The following NTRK3 variants were observed in gnomAD, a reference collection of about 807,000 sequenced individuals.
NTRK3 encodes the protein NT-3 growth factor receptor.
A neutral mutation model predicts 91.7 loss-of-function variants in NTRK3; 24 were observed. The ratio of observed to expected loss-of-function variants is 0.26; its 90% CI spans 0.19 to 0.37. The LOEUF (loss-of-function observed/expected upper bound fraction) is 0.37. Among genes scored for constraint, NTRK3 ranks in the 10% least tolerant of loss-of-function variants. NTRK3 has a pLI of 1.00. For missense variants in NTRK3, 880 were observed against 1,068.9 expected, an observed-to-expected ratio of 0.82 and a Z score of 2.46; for synonymous variants, 483 against 404.0, an observed-to-expected ratio of 1.20 and a Z score of -2.34.
chr15:88,130,704 G>C (rs954845453), intron 10 of NTRK3, among the ~76,000 whole-genome samples: 3 of 152,152 alleles, frequency 2.0e-5, no homozygotes, highest in African/African-American at 7.2e-5. Context: ...AAAAAAACTA[G>C]TATTCTTGCA....
chr15:87,874,931 C>T (rs2064910224), exon 19 of NTRK3: 1 of 232,926 alleles, frequency 4.3e-6, no homozygotes, highest in African/African-American at 2.2e-5. Context: ...ACACCAAATT[C>T]CCATCTCACC....
At chr15:87,930,258 T>C (rs2068677404) in intron 16 of NTRK3, among the ~76,000 whole-genome samples, 1 of 152,184 alleles carries the variant, frequency 6.6e-6, no homozygotes, top group Admixed American at 6.5e-5. Flanking sequence ...GGATTTGTTA[T>C]TCTAACACCT....
intron 14 of NTRK3, among the ~76,000 whole-genome samples, chr15:87,982,924 T>A (rs1187943872): frequency 6.6e-6 from 1 of 151,840 alleles, no homozygotes; most frequent in East Asian, 1.9e-4. Flanking sequence ...GAGAAGGTAT[T>A]CCCTGCATCT....
At position 88,128,693 on chromosome 15, in the gene NTRK3, C is replaced by G. The variant is rs776480160; in HGVS notation, c.1228+18G>C. ...TCAGAATAAATCAGTTTCAAAGCAACAGGTAAAGCAGACTTACACAAGATA... is the reference window on the plus strand; with the variant it reads ...TCAGAATAAATCAGTTTCAAAGCAAGAGGTAAAGCAGACTTACACAAGATA... On this transcript the variant is annotated intron_variant, in intron 11 of 18. Coordinates refer to ENST00000394480, the Ensembl canonical transcript of NTRK3. 6.2e-7 allele frequency: 1 copy of G among 1,613,564 alleles called. No homozygotes were observed. The highest frequency in any genetic ancestry group is 8.5e-7 in the Non-Finnish European group (1 of 1,179,504).
chr15:88,166,091 T>A (rs1222406005), intron 5 of NTRK3, among the ~76,000 whole-genome samples: 1 of 152,196 alleles, frequency 6.6e-6, no homozygotes, highest in Non-Finnish European at 1.5e-5. Flanking sequence ...ATCTACTTGC[T>A]CCAGGCCCCA....
chr15:88,147,570 C>T (rs536566259), intron 5 of NTRK3, among the ~76,000 whole-genome samples, 167 bp from the exon 6 acceptor site: 2 of 150,350 alleles, frequency 1.3e-5, no homozygotes, highest in African/African-American at 2.5e-5. Context: ...GTTAGGCTAG[C>T]GATACATCTG....
intron 13 of NTRK3, among the ~76,000 whole-genome samples, chr15:88,102,772 C>T (rs2050308777): frequency 6.6e-6 from 1 of 152,174 alleles, no homozygotes; most frequent in East Asian, 1.9e-4. Context: ...TTAGCATCCT[C>T]TAATCAACTA....
At chr15:88,114,447 A>T (rs2051809425) in intron 13 of NTRK3, among the ~76,000 whole-genome samples, 1 of 152,244 alleles carries the variant, frequency 6.6e-6, no homozygotes, top group Admixed American at 6.5e-5. Context: ...GGCATTAGAG[A>T]AACTGCTTGG....
chr15:87,950,380 A>G (rs1171284144), intron 14 of NTRK3, among the ~76,000 whole-genome samples: 2 of 152,192 alleles, frequency 1.3e-5, no homozygotes, highest in African/African-American at 4.8e-5. Context: ...GATAAAACTG[A>G]GCTGCTTCAG....
chr15:87,989,351 C>T (rs2075100741), intron 14 of NTRK3, among the ~76,000 whole-genome samples: 1 of 152,118 alleles, frequency 6.6e-6, no homozygotes, highest in Non-Finnish European at 1.5e-5. Context: ...ATTTCCTTTG[C>T]AGGGACATGG....
intron 13 of NTRK3, among the ~76,000 whole-genome samples, chr15:88,033,259 C>A (rs2078760960): frequency 7.7e-6 from 1 of 129,912 alleles, no homozygotes; most frequent in Non-Finnish European, 1.6e-5. Flanking sequence ...GATATTAACC[C>A]CTTATCAGAT....
chr15:88,131,785 A>G (rs1201148989), intron 10 of NTRK3, among the ~76,000 whole-genome samples: 2 of 152,204 alleles, frequency 1.3e-5, no homozygotes, highest in Non-Finnish European at 2.9e-5. Flanking sequence ...TACATCCAGA[A>G]AGCACATAAG....
chr15:88,127,073 G>T, intron 12 of NTRK3, 89 bp downstream of exon 12: 2 of 1,149,040 alleles, frequency 1.7e-6, no homozygotes, highest in South Asian at 1.3e-5. Context: ...TTTCAAGTAA[G>T]ATAATATTTG....
intron 13 of NTRK3, among the ~76,000 whole-genome samples, chr15:88,091,139 G>C (rs1173811518): frequency 6.6e-6 from 1 of 152,100 alleles, no homozygotes; most frequent in Non-Finnish European, 1.5e-5. Flanking sequence ...TGCTAAATTG[G>C]GAACCCGTTT....
At position 87,979,353 on chromosome 15, in the gene NTRK3, C is replaced by T. The variant is rs752063522; in HGVS notation, c.1586-38600G>A. On this transcript the variant is annotated intron_variant, in intron 14 of 18. Coordinates refer to ENST00000394480, the Ensembl canonical transcript of NTRK3. Reference sequence around the variant, plus strand: ...AGGCTTAAAAGGAGTTTTTAAAAGCCATGACGTCCTTTGCTGAAATAAACA... The same window carrying T: ...AGGCTTAAAAGGAGTTTTTAAAAGCTATGACGTCCTTTGCTGAAATAAACA... 2.5e-6 allele frequency: 4 copies of T among 1,611,804 alleles called. No homozygotes were observed. The South Asian group carries it at 3.3e-5, about 13-fold the overall frequency.
chr15:88,128,567 T>A, intron 11 of NTRK3, 144 bp downstream of exon 11: 5 of 874,280 alleles, frequency 5.7e-6, no homozygotes, highest in Non-Finnish European at 9.6e-6. Context: ...CTACCCTTCA[T>A]TTCCCTTTCA....
intron 13 of NTRK3, among the ~76,000 whole-genome samples, chr15:88,054,132 G>A (rs1323674074): frequency 6.6e-6 from 1 of 152,138 alleles, no homozygotes; most frequent in Non-Finnish European, 1.5e-5. Flanking sequence ...AAAAGAAATG[G>A]GAATAATAAA....
Position 88,076,546 on chromosome 15 carries a change from T to A in NTRK3, c.1397-43501A>T, listed in dbSNP as rs545240785. On this transcript the variant is annotated intron_variant, in intron 13 of 18. Transcript: ENST00000394480. ...TTCATTTATTCAAATAATATTTCAA[T>A]GTAAACACCTACCACATGCCAAAAA... Among the ~76,000 whole-genome samples, 10 of 152,110 alleles carry A rather than the reference T, an allele frequency of 6.6e-5. No homozygotes were observed. In the South Asian group the frequency reaches 2.1e-3, roughly 32 times the overall value.
At chr15:88,097,482 C>T (rs2049735311) in intron 13 of NTRK3, among the ~76,000 whole-genome samples, 1 of 152,164 alleles carries the variant, frequency 6.6e-6, no homozygotes, top group Admixed American at 6.5e-5. Context: ...GTTGATTGGT[C>T]AAACTCTTCT....
Sources: allele counts gnomAD v4.1 joint callset (sites outside exome capture counted in the v4.1 genomes callset), GRCh38; gene constraint gnomAD v4.1.1; transcripts MANE v1.5; gene names NCBI Gene and HGNC (gene_info 2026-07-23, HGNC 2026-07-21).